TCF12: variants seen among roughly 807,000 people sequenced by gnomAD.
TCF12 encodes the protein DNA-binding protein HTF4.
Under a neutral mutation model 86.0 loss-of-function variants are expected in TCF12, and 45 were observed. That is an observed-to-expected ratio of 0.52 (90% CI 0.41 to 0.67). The LOEUF (loss-of-function observed/expected upper bound fraction) is 0.67, where lower values mean the gene tolerates loss of function less well. Ranked by LOEUF, TCF12 falls within the 30% of genes least tolerant of loss-of-function variation. The pLI is 0.00. For missense variants in TCF12, 881 were observed against 859.9 expected (o/e 1.02, Z -0.31); for synonymous variants, 330 against 299.6 (o/e 1.10, Z -1.05).
intron 2 of TCF12, 119 bp from the exon 3 acceptor site, chr15:56,920,907 A>AAT: frequency 1.5e-6 from 1 of 673,806 alleles, no homozygotes; most frequent in Non-Finnish European, 2.3e-6. Flanking sequence ...TGTATCTCCA[A>AAT]TTTTATTTTA....
intron 8 of TCF12, among the ~76,000 whole-genome samples, chr15:57,221,824 G>A (rs963330142): frequency 1.3e-5 from 2 of 151,956 alleles, no homozygotes; most frequent in Admixed American, 1.3e-4. Flanking sequence ...ATTTTGTGAT[G>A]ACTTCAGTTT....
chr15:56,940,917 CTT>C (rs539031767), intron 3 of TCF12, among the ~76,000 whole-genome samples: 7 of 134,476 alleles, frequency 5.2e-5, no homozygotes, highest in African/African-American at 1.1e-4. Context: ...CCCAGCTGCT[CTT>C]TTTTTTTTTT....
chr15:57,123,413 A>G lies in TCF12; in HGVS notation c.325+31522A>G, dbSNP rs949079672. On this transcript the variant is annotated intron_variant, in intron 5 of 20. Transcript: ENST00000333725. ...ACAGAGTTAAATAACTTTGAATTCC[A>G]TTGTAAGATTCTTTTAAAGTATTTT... is the stretch of plus-strand genomic sequence containing the variant. 7.2e-5 allele frequency among the ~76,000 whole-genome samples: 11 copies of G among 152,288 alleles called. No homozygotes were observed. In the East Asian group the frequency reaches 2.1e-3, roughly 29 times the overall value.
intron 6 of TCF12, among the ~76,000 whole-genome samples, chr15:57,174,703 A>G (rs2055781301): frequency 6.6e-6 from 1 of 152,240 alleles, no homozygotes; most frequent in African/African-American, 2.4e-5. Context: ...AGTCAATCTA[A>G]AAAATTAATT....
chr15:56,926,100 C>G (rs2060000649), intron 3 of TCF12, among the ~76,000 whole-genome samples: 1 of 152,064 alleles, frequency 6.6e-6, no homozygotes, highest in Admixed American at 6.6e-5. Context: ...TCACTTGAGG[C>G]CAGGAGTTGG....
chr15:56,962,024 C>T (rs1307842907), intron 3 of TCF12, among the ~76,000 whole-genome samples: 29 of 149,474 alleles, frequency 1.9e-4, no homozygotes, highest in Non-Finnish European at 3.1e-4. Flanking sequence ...CCCAGCTACT[C>T]GGAGAGGCTG....
intron 12 of TCF12, among the ~76,000 whole-genome samples, chr15:57,239,866 C>T (rs1266760327): frequency 6.6e-6 from 1 of 151,998 alleles, no homozygotes; most frequent in Non-Finnish European, 1.5e-5. Flanking sequence ...GACATAACTG[C>T]GCTTGAGATG....
rs559274155 is a variant in TCF12 at position 57,256,564 on chromosome 15, C to T, written c.1467+3096C>T. On this transcript the variant is annotated intron_variant, in intron 16 of 20. Coordinates refer to ENST00000333725, the MANE Select transcript of TCF12 (RefSeq NM_207037.2). The stretch of plus-strand genomic sequence containing the variant: ...CGATTCCCCACCCCCACCCCCACCC[C>T]GCCCCACCTTGTTTTTGGTCTCTTA... 1.3e-3 allele frequency among the ~76,000 whole-genome samples: 184 copies of T among 146,142 alleles called. 1 individual carries two copies. The highest frequency in any genetic ancestry group is 4.1e-3 in the African/African-American group (163 of 39,744).
intron 13 of TCF12, among the ~76,000 whole-genome samples, chr15:57,249,314 G>T (rs963802263): frequency 1.3e-5 from 2 of 151,832 alleles, no homozygotes; most frequent in Admixed American, 6.6e-5. Context: ...AGCAATTTTA[G>T]ATTGTCCATA....
At chr15:57,163,854 C>T (rs1041472864) in intron 5 of TCF12, among the ~76,000 whole-genome samples, 5 of 152,142 alleles carry the variant, frequency 3.3e-5, no homozygotes, top group Non-Finnish European at 7.3e-5. Context: ...ATGGCAGAGA[C>T]TGAAGGGAAC....
chr15:57,255,009 C>T (rs1023273617), intron 16 of TCF12, among the ~76,000 whole-genome samples: 1 of 151,984 alleles, frequency 6.6e-6, no homozygotes, highest in Non-Finnish European at 1.5e-5. Flanking sequence ...TGTTGAAATA[C>T]TATTTATCCT....
intron 5 of TCF12, among the ~76,000 whole-genome samples, chr15:57,136,998 G>C (rs1182037794): frequency 1.3e-4 from 7 of 55,008 alleles, no homozygotes; most frequent in African/African-American, 3.8e-4. Flanking sequence ...TTTTTTTTTT[G>C]AGACGGAGTT....
intron 3 of TCF12, among the ~76,000 whole-genome samples, chr15:57,029,186 A>T (rs1426493974): frequency 6.6e-6 from 1 of 152,128 alleles, no homozygotes; most frequent in Non-Finnish European, 1.5e-5. Context: ...TTCTTCCACT[A>T]CATAATTGGT....
At chr15:57,100,092 A>G (rs534260601) in intron 5 of TCF12, among the ~76,000 whole-genome samples, 3 of 152,206 alleles carry the variant, frequency 2.0e-5, no homozygotes, top group Non-Finnish European at 4.4e-5. Context: ...CCAGTTGCAT[A>G]GATCTGATAA....
intron 3 of TCF12, among the ~76,000 whole-genome samples, chr15:57,022,277 C>G (rs1165057822): frequency 6.6e-6 from 1 of 151,790 alleles, no homozygotes; most frequent in Non-Finnish European, 1.5e-5. Context: ...TCCAAGTGTT[C>G]TCATTGTTCA....
At chr15:57,086,202 G>GGATGAT (rs1310654567) in intron 4 of TCF12, among the ~76,000 whole-genome samples, 6 of 67,832 alleles carry the variant, frequency 8.8e-5, no homozygotes, top group Admixed American at 2.4e-4. Context: ...TCTCTAACTT[G>GGATGAT]GATGATGATG....
At chr15:56,955,126 C>T (rs2061449718) in intron 3 of TCF12, among the ~76,000 whole-genome samples, 1 of 152,140 alleles carries the variant, frequency 6.6e-6, no homozygotes, top group African/African-American at 2.4e-5. Flanking sequence ...GCACTATTCA[C>T]AATAGCACAT....
At chr15:57,189,134 A>G (rs2056845737) in intron 6 of TCF12, among the ~76,000 whole-genome samples, 1 of 152,202 alleles carries the variant, frequency 6.6e-6, no homozygotes. Context: ...ATATAAGAGC[A>G]AAAAACTATA....
chr15:57,271,799 A>G (rs1283021120), intron 18 of TCF12, among the ~76,000 whole-genome samples: 1 of 152,226 alleles, frequency 6.6e-6, no homozygotes, highest in East Asian at 1.9e-4. Flanking sequence ...GGCTTAATAC[A>G]CATGTAATAA....
Sources: allele counts gnomAD v4.1 joint callset (sites outside exome capture counted in the v4.1 genomes callset), GRCh38; gene constraint gnomAD v4.1.1; transcripts MANE v1.5; gene names NCBI Gene and HGNC (gene_info 2026-07-23, HGNC 2026-07-21).